The following KLF12 variants were observed in gnomAD, a reference collection of about 807,000 sequenced individuals.
The protein encoded by KLF12 is Krueppel-like factor 12.
A neutral mutation model predicts 37.8 loss-of-function variants in KLF12; 9 were observed. The ratio of observed to expected loss-of-function variants is 0.24; its 90% CI spans 0.14 to 0.42. KLF12 has a LOEUF of 0.42. Among genes scored for constraint, KLF12 ranks in the 10% least tolerant of loss-of-function variants. The pLI is 1.00. For synonymous variants in KLF12, 208 were observed against 202.1 expected (o/e 1.03, Z -0.25); for missense variants, 411 against 516.0 (o/e 0.80, Z 1.97).
chr13:73,719,190 G>A (rs1464900772), intron 6 of KLF12, among the ~76,000 whole-genome samples: 1 of 152,196 alleles, frequency 6.6e-6, no homozygotes, highest in Non-Finnish European at 1.5e-5. Context: ...CAGGGAACCA[G>A]AAGTGCAGAA....
rs747367082 is a variant in KLF12, at chr13:74,090,176, ATTATAT to A, written c.-32+43557_-32+43562del. Among the ~76,000 whole-genome samples the A allele has an allele frequency of 2.4e-3, 363 of 152,150 alleles. 3 individuals carry two copies. The highest frequency in any genetic ancestry group is 3.4e-3 in the Middle Eastern group (1 of 294). On this transcript the variant is annotated intron_variant, in intron 1 of 7. Transcript: ENST00000377669. ...ACGATCCAAAAACAAAATTAAAACAATTATATTTATAATAGTATAAAAAGTAATGAG... is the reference window on the plus strand; with the variant it reads ...ACGATCCAAAAACAAAATTAAAACAATTATAATAGTATAAAAAGTAATGAG...
chr13:73,943,356 A>T (rs1453095908), intron 3 of KLF12, among the ~76,000 whole-genome samples: 1 of 152,194 alleles, frequency 6.6e-6, no homozygotes, highest in Non-Finnish European at 1.5e-5. Context: ...GAAGCCATAA[A>T]TGTTCATTAT....
intron 1 of KLF12, among the ~76,000 whole-genome samples, chr13:74,045,981 GA>G (rs1893532745): frequency 6.6e-6 from 1 of 152,180 alleles, no homozygotes; most frequent in Admixed American, 6.5e-5. Flanking sequence ...GTTAATATTA[GA>G]AGTGTTTTGT....
Position 73,733,653 on chromosome 13 carries a change from C to A in KLF12, c.870-18128G>T, listed in dbSNP as rs140122357. Among the ~76,000 whole-genome samples the A allele has an allele frequency of 4.7e-4, 72 of 152,158 alleles. No homozygotes were observed. The East Asian group carries it at 0.013, about 27-fold the overall frequency. ...TGTTATGACCAGTATCTGTTTGGGT[C>A]CCTGCTTCCAATTTTTTTATACCCA... On this transcript the variant is annotated intron_variant, in intron 6 of 7. Transcript: ENST00000377669.
chr13:73,765,709 T>C (rs1396445080), intron 5 of KLF12, among the ~76,000 whole-genome samples: 1 of 152,152 alleles, frequency 6.6e-6, no homozygotes, highest in Non-Finnish European at 1.5e-5. Flanking sequence ...AATCAAAGCC[T>C]AGCTAGTAAA....
the KLF12 span, among the ~76,000 whole-genome samples, chr13:74,229,530 C>T: frequency 6.6e-6 from 1 of 152,114 alleles, no homozygotes; most frequent in East Asian, 1.9e-4. Flanking sequence ...TTATTCCTGT[C>T]AGACTTGAAA....
intron 2 of KLF12, among the ~76,000 whole-genome samples, chr13:73,971,900 T>C (rs1593794918): frequency 6.6e-6 from 1 of 152,150 alleles, no homozygotes; most frequent in Non-Finnish European, 1.5e-5. Context: ...TTTAAGTGAA[T>C]TGATCAGATG....
chr13:74,194,682 A>G, the KLF12 span, among the ~76,000 whole-genome samples: 1 of 152,230 alleles, frequency 6.6e-6, no homozygotes, highest in Non-Finnish European at 1.5e-5. Context: ...GTTGTGTTTT[A>G]AGGGCCAAGA....
chr13:74,256,981 A>G, the KLF12 span: 6,421 of 152,226 alleles, frequency 0.042, 154 homozygotes, highest in Middle Eastern at 0.071. Flanking sequence ...CCCATGAGGC[A>G]TCCAAAACAG....
At chr13:74,012,319 T>G (rs1892571194) in intron 1 of KLF12, among the ~76,000 whole-genome samples, 1 of 152,208 alleles carries the variant, frequency 6.6e-6, no homozygotes, top group Non-Finnish European at 1.5e-5. Context: ...TGAATGGAAG[T>G]GTCAAGAGCT....
At chr13:74,063,085 A>G (rs560906642) in intron 1 of KLF12, among the ~76,000 whole-genome samples, 3 of 152,174 alleles carry the variant, frequency 2.0e-5, no homozygotes, top group Admixed American at 6.5e-5. Flanking sequence ...TCTGTGCCGC[A>G]CCTCCAGCTG....
intron 7 of KLF12, among the ~76,000 whole-genome samples, chr13:73,702,964 G>A (rs191648468): frequency 1.8e-4 from 27 of 152,210 alleles, no homozygotes; most frequent in Middle Eastern, 3.4e-3. Flanking sequence ...CAGACCAGGC[G>A]GCTATACCTC....
At chr13:74,102,697 CA>C (rs112369721) in intron 1 of KLF12, among the ~76,000 whole-genome samples, 28 of 140,890 alleles carry the variant, frequency 2.0e-4, no homozygotes, top group Admixed American at 2.1e-4. Flanking sequence ...AACTCTGTCT[CA>C]AAAAAAAAAA....
At chr13:73,860,997 G>C (rs1885896133) in intron 3 of KLF12, among the ~76,000 whole-genome samples, 1 of 152,058 alleles carries the variant, frequency 6.6e-6, no homozygotes, top group Non-Finnish European at 1.5e-5. Context: ...GTCATATTTT[G>C]TATTTTTGCT....
chr13:73,687,423 A>T lies in KLF12; in HGVS notation c.*8067T>A, dbSNP rs1166632968. Reference sequence around the variant, plus strand: ...ACGTTGATAGGAAAGAGCCTTGAATATAGGCACCAGTGCCCCAGTTCAACA... The same window carrying T: ...ACGTTGATAGGAAAGAGCCTTGAATTTAGGCACCAGTGCCCCAGTTCAACA... On this transcript the variant is annotated 3_prime_UTR_variant, in exon 8 of 8. Transcript: ENST00000377669. 1 of 152,452 alleles carries T rather than the reference A, an allele frequency of 6.6e-6. No individual in the cohort carries two copies. Among genetic ancestry groups the T allele is most frequent in the Non-Finnish European group, 1.5e-5 (1 of 68,044 alleles). 9.4% of individuals were successfully genotyped at this position (152,452 alleles called of 1,614,324 possible).
Position 73,772,104 on chromosome 13 carries a change from C to A in KLF12, c.807-7104G>T, listed in dbSNP as rs116408957. Among the ~76,000 whole-genome samples the A allele has an allele frequency of 1.1e-3, 173 of 152,342 alleles. 1 individual carries two copies. The highest frequency in any genetic ancestry group is 3.9e-3 in the African/African-American group (161 of 41,584). ...TCGGGAACTGGGTCACAGAGCTGTG[C>A]AGCCACATCAGCCTTTCTTCTATTG... On this transcript the variant is annotated intron_variant, in intron 5 of 7. Coordinates refer to ENST00000377669, the MANE Select transcript of KLF12 (RefSeq NM_007249.5).
At chr13:74,045,522 C>T (rs1240695492) in intron 1 of KLF12, among the ~76,000 whole-genome samples, 1 of 151,448 alleles carries the variant, frequency 6.6e-6, no homozygotes, top group African/African-American at 2.4e-5. Flanking sequence ...TCCTGGAACT[C>T]AAAAGGGACT....
At chr13:73,879,901 T>C (rs1886898489) in intron 3 of KLF12, among the ~76,000 whole-genome samples, 1 of 152,178 alleles carries the variant, frequency 6.6e-6, no homozygotes, top group Non-Finnish European at 1.5e-5. Context: ...ATAAAATACT[T>C]ACTCTTCATA....
At chr13:73,725,268 T>C (rs151071053) in intron 6 of KLF12, among the ~76,000 whole-genome samples, 5,794 of 152,160 alleles carry the variant, frequency 0.038, 118 homozygotes, top group South Asian at 0.099. Context: ...ACCCAGCTAA[T>C]TTTTGTATGT....
Sources: gnomAD v4.1 joint callset for allele counts (sites outside exome capture counted in the v4.1 genomes callset) on GRCh38, gnomAD v4.1.1 for gene constraint, MANE v1.5 for transcripts, NCBI Gene and HGNC (gene_info 2026-07-23, HGNC 2026-07-21) for gene names.